THSD4: variants seen among roughly 807,000 people sequenced by gnomAD.
THSD4 encodes thrombospondin type 1 domain containing 4.
A neutral mutation model predicts 119.0 loss-of-function variants in THSD4; 69 were observed. The observed-to-expected ratio is 0.58, with a 90% confidence interval of 0.48 to 0.71. The LOEUF (loss-of-function observed/expected upper bound fraction) is 0.71, where lower values mean the gene tolerates loss of function less well. Ranked by LOEUF, THSD4 falls within the 30% of genes least tolerant of loss-of-function variation. The pLI is 0.00. For missense variants in THSD4, 1,393 were observed against 1,391.1 expected (o/e 1.00, Z -0.02); for synonymous variants, 524 against 540.4 (o/e 0.97, Z 0.42).
chr15:71,714,029 GTTAC>G (rs2052562213), intron 8 of THSD4, among the ~76,000 whole-genome samples: 1 of 138,482 alleles, frequency 7.2e-6, no homozygotes, highest in Non-Finnish European at 1.5e-5. Context: ...AGCTCCAATA[GTTAC>G]TTACTGTGTG....
At chr15:71,750,472 T>C (rs966565444) in intron 14 of THSD4, among the ~76,000 whole-genome samples, 10 of 152,172 alleles carry the variant, frequency 6.6e-5, no homozygotes, top group African/African-American at 2.4e-4. Context: ...GGGAGTGTTA[T>C]CCAGAAAGAG....
chr15:71,112,233 TCAGTGAGGTGGG>T, upstream of THSD4: 1 of 1,610,924 alleles, frequency 6.2e-7, no homozygotes, highest in South Asian at 1.1e-5. Context: ...AGAGGGCTGA[TCAGTGAGGTGGG>T]GTGGTGACAG....
chr15:71,692,778 A>G (rs1353517717), intron 8 of THSD4, among the ~76,000 whole-genome samples: 1 of 152,158 alleles, frequency 6.6e-6, no homozygotes, highest in Non-Finnish European at 1.5e-5. Context: ...CCTGGTAATA[A>G]GAAGCGCTGT....
chr15:71,387,219 A>G (rs1199042611), intron 6 of THSD4, among the ~76,000 whole-genome samples: 1 of 151,534 alleles, frequency 6.6e-6, no homozygotes, highest in Non-Finnish European at 1.5e-5. Context: ...AAAAAAAAAC[A>G]GGCTGAGAGA....
chr15:71,391,034 T>C (rs1373041189), intron 6 of THSD4, among the ~76,000 whole-genome samples: 6 of 149,538 alleles, frequency 4.0e-5, no homozygotes, highest in African/African-American at 9.8e-5. Flanking sequence ...TAATTTTTTT[T>C]TTTTTTTTTT....
In THSD4 at chr15:71,780,781, C is replaced by T. The variant is rs1316490482; in HGVS notation, c.*3407C>T. The T allele has an allele frequency of 2.2e-6, 1 of 455,972 alleles. No homozygotes were observed. The highest frequency in any genetic ancestry group is 2.4e-5 in the Admixed American group (1 of 42,350). 28.2% of individuals were successfully genotyped at this position (455,972 alleles called of 1,614,324 possible). On this transcript the variant is annotated 3_prime_UTR_variant, in exon 18 of 18. Coordinates refer to ENST00000261862, the MANE Select transcript of THSD4 (RefSeq NM_024817.3). Reference sequence around the variant, plus strand: ...TTTTTTCTTTATTTTCTTATGTACTCATCTACTTATTCTCAAAGTATTTAG... The same window carrying T: ...TTTTTTCTTTATTTTCTTATGTACTTATCTACTTATTCTCAAAGTATTTAG...
chr15:71,311,244 C>T (rs1355610516), intron 6 of THSD4, among the ~76,000 whole-genome samples: 1 of 152,166 alleles, frequency 6.6e-6, no homozygotes, highest in Non-Finnish European at 1.5e-5. Context: ...TGTTTGTTAA[C>T]ATAGATTTCC....
At chr15:71,702,865 G>A (rs372211199) in intron 8 of THSD4, among the ~76,000 whole-genome samples, 5 of 152,228 alleles carry the variant, frequency 3.3e-5, no homozygotes, top group East Asian at 1.9e-4. Context: ...GGCAGAGTCC[G>A]TGCCTCTCTG....
chr15:71,745,428 G>A (rs1319888745), intron 12 of THSD4, among the ~76,000 whole-genome samples, 193 bp downstream of exon 12: 1 of 152,204 alleles, frequency 6.6e-6, no homozygotes, highest in Non-Finnish European at 1.5e-5. Context: ...ATAGCCTTTA[G>A]CAAGTCAACC....
chr15:71,347,755 A>T (rs993247215), intron 6 of THSD4, among the ~76,000 whole-genome samples: 1 of 152,236 alleles, frequency 6.6e-6, no homozygotes, highest in African/African-American at 2.4e-5. Context: ...AGTGGCTACC[A>T]TGTTGGACAG....
intron 15 of THSD4, among the ~76,000 whole-genome samples, chr15:71,762,946 C>T (rs146849073): frequency 1.7e-3 from 259 of 152,236 alleles, no homozygotes; most frequent in African/African-American, 6.0e-3. Flanking sequence ...GGGCTCACAC[C>T]TGTAGTCCCA....
intron 8 of THSD4, among the ~76,000 whole-genome samples, chr15:71,707,979 G>T (rs1279247338): frequency 6.6e-6 from 1 of 152,144 alleles, no homozygotes; most frequent in East Asian, 1.9e-4. Context: ...TCTGGTTTTT[G>T]GTTCTGCCAT....
intron 6 of THSD4, among the ~76,000 whole-genome samples, chr15:71,393,503 A>T (rs2046404397): frequency 1.3e-5 from 2 of 151,966 alleles, no homozygotes; most frequent in Admixed American, 1.3e-4. Flanking sequence ...CTCAGGGAAA[A>T]GGCTGGAGTC....
rs1243801429 is a variant in THSD4 at position 71,660,682 on chromosome 15, G to T, written c.1305G>T (p.Glu435Asp). The T allele has an allele frequency of 6.2e-7, 1 of 1,614,154 alleles. No individual in the cohort carries two copies. The highest frequency in any genetic ancestry group is 8.5e-7 in the Non-Finnish European group (1 of 1,180,018). ...ACCACCGCGTCGTGGAGATTCCCGAGGGAGCCACGAAAATCAACATCACGG... is the reference window on the plus strand; with the variant it reads ...ACCACCGCGTCGTGGAGATTCCCGATGGAGCCACGAAAATCAACATCACGG... ...LGYHRVVEIP[E>D]GATKINITEM... is the part of the protein sequence containing the mutation. Residue 435 changes from glutamate to aspartate, a missense_variant, in exon 8 of 18, where the codon GAG becomes GAT. Physicochemically the swap from Glu to Asp is conservative, Grantham distance 45. Transcript: ENST00000261862.
At chr15:71,497,748 T>C (rs1405891394) in intron 7 of THSD4, among the ~76,000 whole-genome samples, 2 of 152,138 alleles carry the variant, frequency 1.3e-5, no homozygotes, top group South Asian at 2.1e-4. Flanking sequence ...TAGTCTCTGT[T>C]AGAATTTTTT....
chr15:71,366,590 G>A (rs114054841), intron 6 of THSD4, among the ~76,000 whole-genome samples: 13 of 152,132 alleles, frequency 8.5e-5, no homozygotes, highest in Admixed American at 2.0e-4. Context: ...CCAATGGCCC[G>A]CACTATATGG....
At chr15:71,407,252 T>C (rs2046621287) in intron 6 of THSD4, among the ~76,000 whole-genome samples, 1 of 152,196 alleles carries the variant, frequency 6.6e-6, no homozygotes, top group African/African-American at 2.4e-5. Context: ...TTAGGTCTGC[T>C]TTCTCCCCCA....
chr15:71,367,182 C>T lies in THSD4; in HGVS notation c.1016-44505C>T, dbSNP rs1037567051. ...ACAAGGTTGACCTTGATGATGTCAT[C>T]GCATTTGTTGAACAATTACCTCATG... On this transcript the variant is annotated intron_variant, in intron 6 of 17. Transcript: ENST00000261862. Among the ~76,000 whole-genome samples, 6 of 151,612 alleles carry T rather than the reference C, an allele frequency of 4.0e-5. No homozygotes were observed. The East Asian group carries it at 9.6e-4, about 24-fold the overall frequency.
chr15:71,507,549 C>T (rs1319079513), intron 7 of THSD4, among the ~76,000 whole-genome samples: 1 of 152,162 alleles, frequency 6.6e-6, no homozygotes, highest in Non-Finnish European at 1.5e-5. Flanking sequence ...CACTGCTCCC[C>T]GCATTGTCCC....
Sources: allele counts gnomAD v4.1 joint callset (sites outside exome capture counted in the v4.1 genomes callset), GRCh38; gene constraint gnomAD v4.1.1; transcripts MANE v1.5; gene names NCBI Gene and HGNC (gene_info 2026-07-23, HGNC 2026-07-21).